Variants in ADARB2 observed in about 807,000 individuals in gnomAD.
The protein encoded by ADARB2 is adenosine deaminase RNA specific B2 (inactive).
ADARB2 carries 25 observed loss-of-function variants against 62.2 expected under a neutral mutation model. That is an observed-to-expected ratio of 0.40 (90% CI 0.29 to 0.56). The LOEUF is 0.56. ADARB2 is among the 20% of genes least tolerant of loss of function. The pLI is 0.43. For missense variants in ADARB2, 1,071 were observed against 1,077.4 expected, an observed-to-expected ratio of 0.99 and a Z score of 0.08; for synonymous variants, 572 against 500.8, an observed-to-expected ratio of 1.14 and a Z score of -1.90.
At chr10:1,534,582 C>T (rs1251739438) in intron 1 of ADARB2, 1 of 152,340 alleles carries the variant, frequency 6.6e-6, no homozygotes, top group Non-Finnish European at 1.5e-5. Flanking sequence ...AAACTGTCTC[C>T]TCAGCAGATG....
intron 1 of ADARB2, among the ~76,000 whole-genome samples, chr10:1,436,175 T>C (rs1830833493): frequency 6.6e-6 from 1 of 152,166 alleles, no homozygotes. Flanking sequence ...TGTGTGTGGG[T>C]GTACAATGAA....
At position 1,301,401 on chromosome 10, in the gene ADARB2, T is replaced by A. The variant is rs58991694; in HGVS notation, c.1078-30332A>T. Among the ~76,000 whole-genome samples the A allele has an allele frequency of 1.6e-3, 236 of 151,884 alleles. 1 individual carries two copies. The highest frequency in any genetic ancestry group is 2.9e-3 in the Non-Finnish European group (194 of 67,900). On this transcript the variant is annotated intron_variant, in intron 3 of 9. Coordinates refer to ENST00000381312, the MANE Select transcript of ADARB2 (RefSeq NM_018702.4). Reference sequence around the variant, plus strand: ...TGATATGGGGATAGGCTTGAACAGGTGAATTTTAGAACCTAAATAGATTAT... The same window carrying A: ...TGATATGGGGATAGGCTTGAACAGGAGAATTTTAGAACCTAAATAGATTAT...
Position 1,179,906 on chromosome 10 carries a change from G to A in ADARB2, c.*3287C>T, listed in dbSNP as rs181695444. On this transcript the variant is annotated 3_prime_UTR_variant, in exon 10 of 10. Coordinates refer to ENST00000381312, the MANE Select transcript of ADARB2 (RefSeq NM_018702.4). ...TGTGTCGTGCCCAGCGTATTTTCAG[G>A]GTGACAGAAAGTGACCCATCCCCTA... 5 of 152,046 alleles carry A rather than the reference G, an allele frequency of 3.3e-5. No individual in the cohort carries two copies. The highest frequency in any genetic ancestry group is 5.9e-5 in the Non-Finnish European group (4 of 68,024). The allele number at this position is 152,046 out of a possible 1,614,324, so 9.4% of individuals were successfully genotyped here. A position where few individuals can be genotyped will look rare whatever the true frequency, so the allele number is the denominator to read the frequency against.
intron 1 of ADARB2, among the ~76,000 whole-genome samples, chr10:1,705,562 G>A (rs1010688846): frequency 2.6e-5 from 4 of 152,212 alleles, no homozygotes; most frequent in Admixed American, 6.5e-5. Flanking sequence ...AATGGAGATT[G>A]TTTACAGACA....
rs190138689 is a variant in ADARB2 at position 1,275,538 on chromosome 10, G to C, written c.1078-4469C>G. ...TTCTTTTTTTTTAATTTAAGTTTTA[G>C]GGTACATGTGCACAATGTGCAGGTT... On this transcript the variant is annotated intron_variant, in intron 3 of 9. Transcript: ENST00000381312. 4.5e-3 allele frequency among the ~76,000 whole-genome samples: 684 copies of C among 151,596 alleles called. 23 individuals carry two copies. Among genetic ancestry groups the C allele is most frequent in the Admixed American group, 0.038 (575 of 15,216 alleles).
intron 1 of ADARB2, among the ~76,000 whole-genome samples, chr10:1,665,832 G>A (rs1588344590): frequency 6.6e-6 from 1 of 152,312 alleles, no homozygotes; most frequent in South Asian, 2.1e-4. Flanking sequence ...TGGATGCTTC[G>A]AAGGCTTCTT....
chr10:1,197,001 A>G (rs969946928), intron 8 of ADARB2, among the ~76,000 whole-genome samples: 2 of 152,266 alleles, frequency 1.3e-5, no homozygotes, highest in African/African-American at 2.4e-5. Context: ...TAGTGACTGT[A>G]AGAAACAGCA....
intron 1 of ADARB2, among the ~76,000 whole-genome samples, chr10:1,606,809 G>A (rs766517698): frequency 2.0e-5 from 3 of 152,090 alleles, no homozygotes; most frequent in Non-Finnish European, 4.4e-5. Context: ...TTGAAGCCAG[G>A]GCCCATTGAG....
intron 1 of ADARB2, among the ~76,000 whole-genome samples, chr10:1,552,604 C>T (rs543215331): frequency 2.7e-5 from 4 of 148,470 alleles, no homozygotes; most frequent in South Asian, 2.2e-4. Context: ...GAGAAGAGGG[C>T]GTGAAGAGCC....
At chr10:1,457,876 C>CTG (rs71379125) in intron 1 of ADARB2, among the ~76,000 whole-genome samples, 1 of 152,016 alleles carries the variant, frequency 6.6e-6, no homozygotes, top group African/African-American at 2.4e-5. Flanking sequence ...AATCATCCCT[C>CTG]CACCCAACCC....
At chr10:1,518,468 C>T (rs1366191868) in intron 1 of ADARB2, among the ~76,000 whole-genome samples, 1 of 152,332 alleles carries the variant, frequency 6.6e-6, no homozygotes, top group African/African-American at 2.4e-5. Context: ...GAAACAATAA[C>T]GTCCCTGGAC....
chr10:1,277,600 A>T (rs1320687650), intron 3 of ADARB2, among the ~76,000 whole-genome samples: 2 of 152,212 alleles, frequency 1.3e-5, no homozygotes, highest in Non-Finnish European at 2.9e-5. Context: ...TCTGAAATTG[A>T]GGCAATAATT....
intron 1 of ADARB2, among the ~76,000 whole-genome samples, chr10:1,459,112 C>T (rs1352911053): frequency 2.0e-5 from 3 of 152,146 alleles, no homozygotes; most frequent in Non-Finnish European, 4.4e-5. Flanking sequence ...ATTAGCTCAA[C>T]CATTGTGGAA....
chr10:1,400,988 G>A (rs1204099533), intron 1 of ADARB2, among the ~76,000 whole-genome samples: 3 of 152,132 alleles, frequency 2.0e-5, no homozygotes, highest in Admixed American at 6.5e-5. Context: ...TGTCTCCACC[G>A]GAACCTTAAC....
chr10:1,692,319 C>T (rs558262145), intron 1 of ADARB2, among the ~76,000 whole-genome samples: 2 of 152,248 alleles, frequency 1.3e-5, no homozygotes, highest in South Asian at 2.1e-4. Context: ...TTAAATGCCC[C>T]CAGAAGCTCG....
chr10:1,442,806 C>T (rs911502897), intron 1 of ADARB2, among the ~76,000 whole-genome samples: 35 of 152,048 alleles, frequency 2.3e-4, no homozygotes, highest in Admixed American at 1.8e-3. Flanking sequence ...ACAGAGAATT[C>T]TGACCCAGTA....
chr10:1,472,623 G>C (rs1448547598), intron 1 of ADARB2, among the ~76,000 whole-genome samples: 1 of 152,226 alleles, frequency 6.6e-6, no homozygotes, highest in African/African-American at 2.4e-5. Flanking sequence ...GCAGCCTCCT[G>C]GTCTCACAAT....
chr10:1,200,308 C>T (rs1321680716), intron 7 of ADARB2, 161 bp from the exon 8 acceptor site: 1 of 844,992 alleles, frequency 1.2e-6, no homozygotes, highest in Admixed American at 2.0e-5. Context: ...CCAGCCATCA[C>T]TGGGGCTCTG....
At chr10:1,719,507 A>G (rs1835061135) in intron 1 of ADARB2, among the ~76,000 whole-genome samples, 2 of 152,334 alleles carry the variant, frequency 1.3e-5, no homozygotes, top group South Asian at 4.1e-4. Context: ...TGGCCTTTTG[A>G]TAAAAAATTG....
Sources: allele counts gnomAD v4.1 joint callset (sites outside exome capture counted in the v4.1 genomes callset), GRCh38; gene constraint gnomAD v4.1.1; transcripts MANE v1.5; gene names NCBI Gene and HGNC (gene_info 2026-07-23, HGNC 2026-07-21).